Variants in FYB2 observed in about 807,000 individuals in gnomAD.
FYB2 encodes the protein FYN binding protein 2, also known as FYN-binding protein 2.
In FYB2, 103 loss-of-function variants were observed where a neutral mutation model predicts 94.1. That is an observed-to-expected ratio of 1.09 (90% CI 0.93 to 1.29). The LOEUF is 1.29. FYB2 is among the 50% of genes most tolerant of loss of function. FYB2 has a pLI of 0.00. For missense variants in FYB2, 896 were observed against 841.5 expected, an observed-to-expected ratio of 1.06 and a Z score of -0.80; for synonymous variants, 293 against 287.9, an observed-to-expected ratio of 1.02 and a Z score of -0.18.
intron 1 of FYB2, 125 bp from the exon 2 acceptor site, chr1:56,792,928 T>G (rs1472163813): frequency 1.0e-6 from 1 of 1,001,538 alleles, no homozygotes; most frequent in African/African-American, 1.6e-5. Context: ...GATCTCACCA[T>G]GTTAAGGGAC....
chr1:56,726,197 C>T (rs1644579885), intron 16 of FYB2, among the ~76,000 whole-genome samples: 1 of 151,786 alleles, frequency 6.6e-6, no homozygotes, highest in African/African-American at 2.4e-5. Context: ...AGTTCTTACA[C>T]CTAAAAGAAA....
chr1:56,754,688 C>T (rs1021642892), intron 7 of FYB2, among the ~76,000 whole-genome samples: 37 of 152,164 alleles, frequency 2.4e-4, no homozygotes, highest in African/African-American at 8.9e-4. Flanking sequence ...ATTGTGATTT[C>T]CTATTTATTT....
At chr1:56,769,766 G>A (rs857090) in intron 4 of FYB2, among the ~76,000 whole-genome samples, 111,195 of 152,030 alleles carry the variant, frequency 0.73, 42,141 homozygotes, top group African/African-American at 0.93. Context: ...TTTTAAAAAG[G>A]AGGAAAGAAA....
In FYB2 at chr1:56,814,378, G is replaced by C. The variant is rs150806059; in HGVS notation, c.9+4904C>G. On this transcript the variant is annotated intron_variant, in intron 1 of 19. Coordinates refer to ENST00000343433, the MANE Select transcript of FYB2 (RefSeq NM_001004303.5). ...CTTTTAGGACCATTTCTCCCCAGGG[G>C]AAATGTGGGTGTGTGGTTTGGAGAA... Among the ~76,000 whole-genome samples, 1,351 of 152,290 alleles carry C rather than the reference G, an allele frequency of 8.9e-3. 22 individuals carry two copies. The highest frequency in any genetic ancestry group is 0.03 in the African/African-American group (1,236 of 41,546).
intron 5 of FYB2, among the ~76,000 whole-genome samples, chr1:56,762,545 A>T (rs1283556050): frequency 1.3e-5 from 2 of 152,212 alleles, no homozygotes; most frequent in Non-Finnish European, 2.9e-5. Context: ...TGATATACAG[A>T]AATATAATTG....
chr1:56,792,582 C>T lies in FYB2; in HGVS notation c.231G>A (p.Gln77=). 6.2e-7 allele frequency: 1 copy of T among 1,614,032 alleles called. No homozygotes were observed. The change falls in exon 2 of 20, where the codon CAG becomes CAA. Residue 77 remains glutamine, a synonymous_variant. Transcript: ENST00000343433. The part of the protein sequence containing the change: ...SSSESQPLQP[Q]KIKLAQKSEI... ...CACTCTTCTGAGCCAACTTTATTTTCTGAGGTTGAAGAGGCTGGGACTCAC... is the reference window on the plus strand; with the variant it reads ...CACTCTTCTGAGCCAACTTTATTTTTTGAGGTTGAAGAGGCTGGGACTCAC...
chr1:56,745,931 T>C (rs1645057306), intron 9 of FYB2, among the ~76,000 whole-genome samples: 2 of 151,988 alleles, frequency 1.3e-5, no homozygotes, highest in Admixed American at 1.3e-4. Context: ...GGATTTGCAC[T>C]TTTTTTCTCT....
At chr1:56,819,593 G>C, upstream of FYB2, 1 of 539,978 alleles carries the variant, frequency 1.9e-6, no homozygotes, top group Non-Finnish European at 3.3e-6. Flanking sequence ...GGCTCTTCCC[G>C]TTGCTCCCCT....
intron 9 of FYB2, among the ~76,000 whole-genome samples, chr1:56,747,920 T>C (rs1645106640): frequency 6.6e-6 from 1 of 152,128 alleles, no homozygotes; most frequent in African/African-American, 2.4e-5. Context: ...TGTTGTTTCC[T>C]GACTTTTTGA....
At chr1:56,761,747 C>T (rs1352972876) in intron 5 of FYB2, among the ~76,000 whole-genome samples, 1 of 152,068 alleles carries the variant, frequency 6.6e-6, no homozygotes, top group Admixed American at 6.6e-5. Context: ...CCAAAGGCAA[C>T]AGCAAAAGCC....
intron 15 of FYB2, among the ~76,000 whole-genome samples, chr1:56,735,087 T>C (rs1032338650): frequency 2.0e-5 from 3 of 152,140 alleles, no homozygotes; most frequent in Non-Finnish European, 4.4e-5. Context: ...TATCATATGA[T>C]TCAGCAGTTC....
intron 4 of FYB2, among the ~76,000 whole-genome samples, chr1:56,771,319 A>C (rs1645749199): frequency 6.6e-6 from 1 of 152,322 alleles, no homozygotes; most frequent in South Asian, 2.1e-4. Flanking sequence ...ACATCAACAT[A>C]GATAGAATAT....
At chr1:56,805,291 C>A (rs774325614) in intron 1 of FYB2, among the ~76,000 whole-genome samples, 2 of 152,116 alleles carry the variant, frequency 1.3e-5, no homozygotes, top group Non-Finnish European at 2.9e-5. Flanking sequence ...CGATACGTGT[C>A]CTTTTGAATT....
At chr1:56,782,672 T>G (rs1646036011) in intron 4 of FYB2, among the ~76,000 whole-genome samples, 1 of 152,088 alleles carries the variant, frequency 6.6e-6, no homozygotes, top group African/African-American at 2.4e-5. Flanking sequence ...TTTTAAAAGC[T>G]TATGAGCATT....
intron 7 of FYB2, among the ~76,000 whole-genome samples, chr1:56,755,654 G>A (rs1449619652): frequency 6.6e-6 from 1 of 152,110 alleles, no homozygotes; most frequent in Non-Finnish European, 1.5e-5. Context: ...CACATATCTG[G>A]CACATGTTGG....
chr1:56,820,339 T>C (rs931698662), upstream of FYB2, among the ~76,000 whole-genome samples: 5 of 152,190 alleles, frequency 3.3e-5, no homozygotes, highest in Admixed American at 6.5e-5. Flanking sequence ...TCTGGCTGAC[T>C]CTAAAGTGAT....
intron 9 of FYB2, among the ~76,000 whole-genome samples, chr1:56,746,508 A>G (rs1447467563): frequency 2.6e-5 from 4 of 151,982 alleles, no homozygotes; most frequent in Non-Finnish European, 5.9e-5. Flanking sequence ...GACTTCTAAT[A>G]CCAGCGGTAC....
At chr1:56,776,717 G>T (rs1460226489) in intron 4 of FYB2, among the ~76,000 whole-genome samples, 1 of 152,110 alleles carries the variant, frequency 6.6e-6, no homozygotes, top group Non-Finnish European at 1.5e-5. Context: ...CTAGTGGTAG[G>T]CTTTTAAATA....
In FYB2 at chr1:56,806,258, G is replaced by C. The variant is rs139824162; in HGVS notation, c.9+13024C>G. Among the ~76,000 whole-genome samples the C allele has an allele frequency of 9.2e-3, 1,408 of 152,322 alleles. 18 individuals carry two copies. The highest frequency in any genetic ancestry group is 0.032 in the African/African-American group (1,323 of 41,576). On this transcript the variant is annotated intron_variant, in intron 1 of 19. Coordinates refer to ENST00000343433, the MANE Select transcript of FYB2 (RefSeq NM_001004303.5). ...AACACCTAACCAGACTGGGGACAGAGAGAACTTTCCAGAGAAAGTGAGACA... is the reference window on the plus strand; with the variant it reads ...AACACCTAACCAGACTGGGGACAGACAGAACTTTCCAGAGAAAGTGAGACA...
Sources: gnomAD v4.1 joint callset for allele counts (sites outside exome capture counted in the v4.1 genomes callset) on GRCh38, gnomAD v4.1.1 for gene constraint, MANE v1.5 for transcripts, NCBI Gene and HGNC (gene_info 2026-07-23, HGNC 2026-07-21) for gene names.